LLGL2: variants seen among roughly 807,000 people sequenced by gnomAD.
LLGL2 encodes LLGL scribble cell polarity complex component 2, also known as LLGL2, scribble cell polarity complex component.
In LLGL2, 81 loss-of-function variants were observed where a neutral mutation model predicts 123.2. The observed-to-expected ratio is 0.66, with a 90% CI of 0.55 to 0.79. LLGL2 has a LOEUF of 0.79. LLGL2 is among the 30% of genes least tolerant of loss of function. The probability of loss-of-function intolerance (pLI) is 0.00; values close to 1 mark genes in which losing one functional copy is unlikely to be tolerated. For missense variants in LLGL2, 1,273 were observed against 1,414.6 expected, an observed-to-expected ratio of 0.90 and a Z score of 1.61; for synonymous variants, 577 against 594.1, an observed-to-expected ratio of 0.97 and a Z score of 0.42.
rs756169094 is a variant in LLGL2 at position 75,543,449 on chromosome 17, G to C, written c.23G>C (p.Gly8Ala). 1 of 1,611,360 alleles carries C rather than the reference G, an allele frequency of 6.2e-7. No homozygotes were observed. The highest frequency in any genetic ancestry group is 1.7e-5 in the Admixed American group (1 of 59,704). Residue 8 changes from glycine to alanine, a missense_variant, in exon 2 of 26, where the codon GGG (glycine) becomes GCG (alanine). Transcript: ENST00000392550. ...AAAATGAGGCGGTTCCTGAGGCCAG[G>C]GCATGACCCTGTGCGGGAGAGGCTC... MRRFLRPGHDPVRERLKR... is the reference protein window; with the variant it reads MRRFLRPAHDPVRERLKR...
At chr17:75,562,133 T>TC (rs1183419604) in intron 6 of LLGL2, 1 of 75,660 alleles carries the variant, frequency 1.3e-5, no homozygotes, top group East Asian at 2.5e-4. Flanking sequence ...TGCCTTGTGG[T>TC]TTTTTTGTTG....
intron 1 of LLGL2, among the ~76,000 whole-genome samples, chr17:75,538,251 A>T (rs1474961148): frequency 1.3e-5 from 2 of 152,118 alleles, no homozygotes; most frequent in South Asian, 2.1e-4. Context: ...AGTGACATGG[A>T]GGAGGGAACG....
intron 2 of LLGL2, among the ~76,000 whole-genome samples, chr17:75,554,250 C>T (rs2054801927): frequency 7.1e-6 from 1 of 139,888 alleles, no homozygotes; most frequent in Non-Finnish European, 1.5e-5. Flanking sequence ...TGCAGCGAGC[C>T]AAGATCGCAC....
chr17:75,544,247 G>A lies in LLGL2; in HGVS notation c.75+746G>A, dbSNP rs1276352677. 1.3e-5 allele frequency among the ~76,000 whole-genome samples: 2 copies of A among 152,182 alleles called. No homozygotes were observed. The highest frequency in any genetic ancestry group is 2.1e-4 in the South Asian group (1 of 4,830). On this transcript the variant is annotated intron_variant, in intron 2 of 25. Coordinates refer to ENST00000392550, the MANE Select transcript of LLGL2 (RefSeq NM_001031803.2). The surrounding 1 kb of genome is among the most constrained non-coding windows in gnomAD (Gnocchi z 4.2). The stretch of plus-strand genomic sequence containing the variant: ...AATGATCTTCTCACCTCTGCTTTGC[G>A]CCTCTGCTGGGAAGGTGGGCTGCAG...
intron 19 of LLGL2, 97 bp from the exon 20 acceptor site, chr17:75,572,917 C>T: frequency 1.4e-6 from 2 of 1,428,732 alleles, no homozygotes; most frequent in East Asian, 4.6e-5. Context: ...TGTCAGGACA[C>T]CGGGAGGCAT....
rs200650788 is a variant in LLGL2 at position 75,558,122 on chromosome 17, G to A, written c.174-33G>A. On this transcript the variant is annotated intron_variant, in intron 3 of 25. Transcript: ENST00000392550. This position sits in a 1 kb window ranked among gnomAD's most constrained non-coding sequence, Gnocchi z 4.0. ...TCAAGGCAGGCAGGGGATGGTGTCC[G>A]ACCTTCCAGAGCTTTCCTGAGCCTA... The A allele has an allele frequency of 4.1e-5, 65 of 1,604,644 alleles. No individual in the cohort carries two copies. In the African/African-American group the frequency reaches 4.5e-4, roughly 11 times the overall value.
At chr17:75,567,322 G>A (rs2055484005) in intron 10 of LLGL2, among the ~76,000 whole-genome samples, 1 of 152,162 alleles carries the variant, frequency 6.6e-6, no homozygotes, top group African/African-American at 2.4e-5. Context: ...AATTAGCCAG[G>A]CATTGGTGGT....
rs532283333 is a variant in LLGL2 at position 75,544,591 on chromosome 17, G to A, written c.75+1090G>A. ...CCATAGGCTTGTTAAGGGCGTACGT[G>A]GGGTGAGGTAACTTAAGTGCTAGGC... On this transcript the variant is annotated intron_variant, in intron 2 of 25. Transcript: ENST00000392550. This position sits in a 1 kb window ranked among gnomAD's most constrained non-coding sequence, Gnocchi z 4.2. Among the ~76,000 whole-genome samples the A allele has an allele frequency of 6.6e-6, 1 of 152,350 alleles. No individual in the cohort carries two copies. Among genetic ancestry groups the A allele is most frequent in the African/African-American group, 2.4e-5 (1 of 41,578 alleles).
At chr17:75,571,595 T>A in intron 17 of LLGL2, 72 bp from the exon 18 acceptor site, 1 of 1,147,164 alleles carries the variant, frequency 8.7e-7, no homozygotes. Flanking sequence ...AACCTGGGAG[T>A]AAACCCTGGT....
chr17:75,555,968 TG>T, intron 2 of LLGL2, 77 bp from the exon 3 acceptor site: 2 of 1,140,770 alleles, frequency 1.8e-6, no homozygotes, highest in Non-Finnish European at 2.6e-6. Flanking sequence ...CTGGGTCGTC[TG>T]GTGCTGCAGC....
rs779978869 is a variant in LLGL2 at position 75,536,086 on chromosome 17, CAG to C, written c.-30-7310_-30-7309del. On this transcript the variant is annotated intron_variant, in intron 1 of 25. Transcript: ENST00000392550. ...CAAAAGGGAACAGAGCAGGGCAGAA[CAG>C]GGAGGGTGGCTCAGAGGCTGGTCTG... Among the ~76,000 whole-genome samples the C allele has an allele frequency of 7.9e-5, 12 of 152,350 alleles. No homozygotes were observed. The South Asian group carries it at 2.3e-3, about 29-fold the overall frequency.
chr17:75,571,800 G>T lies in LLGL2; in HGVS notation c.2293+17G>T. The T allele has an allele frequency of 6.2e-7, 1 of 1,604,504 alleles. No homozygotes were observed. The highest frequency in any genetic ancestry group is 8.5e-7 in the Non-Finnish European group (1 of 1,177,628). ...CAGAGCAGGGTGAGTGCTGGGCAGG[G>T]AGAGCAGAGGGTGCTCGGGCTGCCT... On this transcript the variant is annotated intron_variant, in intron 18 of 25. Transcript: ENST00000392550.
chr17:75,571,136 A>C, intron 17 of LLGL2, 36 bp downstream of exon 17: 75 of 729,646 alleles, frequency 1.0e-4, no homozygotes, highest in Non-Finnish European at 1.5e-4. Flanking sequence ...GGCAGGGGGT[A>C]GTGGGCAGCA....
intron 3 of LLGL2, 68 bp downstream of exon 3, chr17:75,556,211 C>G: frequency 8.3e-7 from 1 of 1,204,086 alleles, no homozygotes; most frequent in Non-Finnish European, 1.2e-6. Context: ...GGAGGGACAT[C>G]TTTTCCTTCC....
rs370601184 is a variant in LLGL2, at chr17:75,563,708, C to G, written c.827-44C>G. 1.9e-6 allele frequency: 3 copies of G among 1,608,714 alleles called. No individual in the cohort carries two copies. The Admixed American group carries it at 5.0e-5, about 27-fold the overall frequency. Reference sequence around the variant, plus strand: ...TGTGCCTGTGGGGACTGACACTTGTCTGAGAGTTTGAGGATCCGTTCAAGC... The same window carrying G: ...TGTGCCTGTGGGGACTGACACTTGTGTGAGAGTTTGAGGATCCGTTCAAGC... On this transcript the variant is annotated intron_variant, in intron 8 of 25. Coordinates refer to ENST00000392550, the MANE Select transcript of LLGL2 (RefSeq NM_001031803.2).
Position 75,559,541 on chromosome 17 carries a change from G to C in LLGL2, c.530+131G>C. 1 of 1,182,760 alleles carries C rather than the reference G, an allele frequency of 8.5e-7. No individual in the cohort carries two copies. Among genetic ancestry groups the C allele is most frequent in the South Asian group, 1.6e-5 (1 of 62,942 alleles). 73.3% of individuals were successfully genotyped at this position (1,182,760 alleles called of 1,614,324 possible). On this transcript the variant is annotated intron_variant, in intron 6 of 25. Transcript: ENST00000392550. This position sits in a 1 kb window ranked among gnomAD's most constrained non-coding sequence, Gnocchi z 4.6. ...ATTCCATGGGGCTATAGCAGGGGAG[G>C]CTCTTGGCTTCCTACCTGTCACCTA... is the stretch of plus-strand genomic sequence containing the variant.
Position 75,556,037 on chromosome 17 carries a change from T to C in LLGL2, c.76-9T>C. 1.2e-6 allele frequency: 2 copies of C among 1,607,060 alleles called. No individual in the cohort carries two copies. The highest frequency in any genetic ancestry group is 2.2e-5 in the South Asian group (2 of 91,044). On this transcript the variant is annotated splice_polypyrimidine_tract_variant and intron_variant, in intron 2 of 25. Transcript: ENST00000392550. ...TCTGCAGGCCCACCCCACGTGCTTC[T>C]CGTTGCAGACGGTGGAGCATGGCTT...
intron 6 of LLGL2, chr17:75,562,776 G>T: frequency 1.8e-6 from 1 of 556,546 alleles, no homozygotes; most frequent in Non-Finnish European, 3.2e-6. Context: ...TGCCATGTTG[G>T]CCAGGCTGCT....
intron 1 of LLGL2, among the ~76,000 whole-genome samples, chr17:75,528,113 A>T (rs1031083834): frequency 2.7e-5 from 4 of 150,236 alleles, no homozygotes; most frequent in Non-Finnish European, 5.9e-5. Flanking sequence ...TATTATTTTT[A>T]TTTATTTATT....
Sources: gnomAD v4.1 joint callset for allele counts (sites outside exome capture counted in the v4.1 genomes callset) on GRCh38, gnomAD v4.1.1 for gene constraint, Gnocchi (gnomAD v3.1) non-coding constraint, MANE v1.5 for transcripts, NCBI Gene and HGNC (gene_info 2026-07-23, HGNC 2026-07-21) for gene names.